CLCNKB: variants seen among roughly 807,000 people sequenced by gnomAD.
CLCNKB encodes chloride voltage-gated channel Kb, also known as chloride channel protein ClC-Kb.
In CLCNKB, 74 loss-of-function variants were observed where a neutral mutation model predicts 83.8. That is an observed-to-expected ratio of 0.88 (90% CI 0.73 to 1.07). CLCNKB has a LOEUF of 1.07. Ranked by LOEUF, CLCNKB falls within the 50% of genes least tolerant of loss-of-function variation. The pLI is 0.00. For missense variants in CLCNKB, 798 were observed against 893.6 expected (o/e 0.89, Z 1.36); for synonymous variants, 358 against 356.6 (o/e 1.00, Z -0.04).
chr1:16,046,958 C>T (rs1434586167), intron 4 of CLCNKB, among the ~76,000 whole-genome samples: 1 of 152,202 alleles, frequency 6.6e-6, no homozygotes, highest in East Asian at 1.9e-4. Flanking sequence ...ACAGCTCCCC[C>T]AGGCCGCTCA....
rs764275060 is a variant in CLCNKB, at chr1:16,045,655, C to A, written c.198C>A (p.Ala66=). 1 of 1,613,986 alleles carries A rather than the reference C, an allele frequency of 6.2e-7. No homozygotes were observed. The highest frequency in any genetic ancestry group is 2.2e-5 in the East Asian group (1 of 44,874). The part of the protein sequence containing the change: ...LGVLMALVSC[A]MDLAVESVVR... ...TGCTCATGGCCCTGGTCAGCTGTGC[C>A]ATGGACTTGGCTGTTGAGAGTGTGG... The change falls in exon 3 of 20, where the codon GCC becomes GCA. Residue 66 remains alanine (A), a synonymous_variant. Coordinates refer to ENST00000375679, the MANE Select transcript of CLCNKB (RefSeq NM_000085.5).
Position 16,056,942 on chromosome 1 carries a change from C to A in CLCNKB, c.*26C>A, listed in dbSNP as rs774027420. On this transcript the variant is annotated 3_prime_UTR_variant, in exon 20 of 20. Transcript: ENST00000375679. ...GCCGGCCCAGCAAGATGAAACAGGG[C>A]ACCCCAGCTGACCTGGTACTGAGGT... 1.9e-6 allele frequency: 3 copies of A among 1,610,766 alleles called. No homozygotes were observed. The highest frequency in any genetic ancestry group is 1.7e-4 in the Middle Eastern group (1 of 6,044).
intron 16 of CLCNKB, 119 bp from the exon 17 acceptor site, chr1:16,055,316 A>C: frequency 1.2e-6 from 1 of 821,916 alleles, no homozygotes. Flanking sequence ...ATGGGTGACA[A>C]TAGTCACAAT....
At chr1:16,044,377 A>G (rs1324277332) in intron 1 of CLCNKB, 109 bp from the exon 2 acceptor site, 18 of 830,164 alleles carry the variant, frequency 2.2e-5, no homozygotes, top group African/African-American at 1.9e-4. Context: ...ACACACACAC[A>G]CGCACAATCT....
rs199755248 is a variant in CLCNKB, at chr1:16,051,801, A to G, written c.1389A>G (p.Pro463=). 3 of 1,612,224 alleles carry G rather than the reference A, an allele frequency of 1.9e-6. No homozygotes were observed. Among genetic ancestry groups the G allele is most frequent in the Non-Finnish European group, 2.5e-6 (3 of 1,178,654 alleles). The change falls in exon 14 of 20, where the codon CCA becomes CCG. Residue 463 remains proline, a synonymous_variant. Transcript: ENST00000375679. The part of the protein sequence containing the change: ...VAGGITNPIM[P]GGYALAGAAA... ...GAGGGATCACCAATCCCATCATGCCAGGGGGGTATGCTCTGGCAGGTGAGT... is the reference window on the plus strand; with the variant it reads ...GAGGGATCACCAATCCCATCATGCCGGGGGGGTATGCTCTGGCAGGTGAGT...
chr1:16,048,380 AC>A lies in CLCNKB; in HGVS notation c.538del (p.Leu180TrpfsTer169). 2 of 1,613,712 alleles carry A rather than the reference AC, an allele frequency of 1.2e-6. No homozygotes were observed. The highest frequency in any genetic ancestry group is 1.7e-6 in the Non-Finnish European group (2 of 1,179,948). On this transcript the variant is annotated frameshift_variant, in exon 6 of 20. Transcript: ENST00000375679. LOFTEE classifies it high-confidence loss of function. Reference protein sequence around the residue: ...FVHLSVMMAAYLGRVRTTTIG... With the variant: ...FVHLSVMMAAXLGRVRTTTIG... ...CACCTGTCTGTGATGATGGCTGCCT[AC>A]CTGGGCCGTGTGCGCACCACGACCA...
chr1:16,047,008 AG>A (rs1276757622), intron 4 of CLCNKB, among the ~76,000 whole-genome samples: 1 of 152,168 alleles, frequency 6.6e-6, no homozygotes, highest in Non-Finnish European at 1.5e-5. Context: ...GGGAGCTCAA[AG>A]CTCACTCAGT....
At position 16,051,537 on chromosome 1, in the gene CLCNKB, C is replaced by A. The variant is rs1260423380; in HGVS notation, c.1287C>A (p.Ile429=). 1.2e-6 allele frequency: 2 copies of A among 1,614,074 alleles called. No individual in the cohort carries two copies. The highest frequency in any genetic ancestry group is 1.6e-4 in the Middle Eastern group (1 of 6,062). Residue 429 remains isoleucine, a synonymous_variant, in exon 13 of 20, where the codon ATC becomes ATA. Coordinates refer to ENST00000375679, the MANE Select transcript of CLCNKB (RefSeq NM_000085.5). ...IPMPAGYFMP[I]FVYGAAIGRL... The stretch of plus-strand genomic sequence containing the variant: ...TGCCTGCCGGGTACTTCATGCCCAT[C>A]TTTGTCTATGGTGAGTCTGGGGTCC...
Position 16,057,277 on chromosome 1 carries a change from G to A in CLCNKB, c.*361G>A, listed in dbSNP as rs1475085524. On this transcript the variant is annotated 3_prime_UTR_variant, in exon 20 of 20. Coordinates refer to ENST00000375679, the MANE Select transcript of CLCNKB (RefSeq NM_000085.5). ...TGGGGTTGTCTGGTTCCCAGTGAGA[G>A]GCTCCTGAGAAAAATAAAGCTGGTT... is the stretch of plus-strand genomic sequence containing the variant. 1.1e-5 allele frequency: 7 copies of A among 619,922 alleles called. No homozygotes were observed. The highest frequency in any genetic ancestry group is 1.9e-5 in the Non-Finnish European group (6 of 321,558). 38.4% of individuals were successfully genotyped at this position (619,922 alleles called of 1,614,324 possible).
At chr1:16,051,187 T>TC in intron 12 of CLCNKB, 139 bp downstream of exon 12, 1 of 1,353,858 alleles carries the variant, frequency 7.4e-7, no homozygotes, top group East Asian at 2.5e-5. Context: ...CATTGCATGG[T>TC]CCTGGACAAG....
chr1:16,053,010 G>GT (rs901661195), intron 15 of CLCNKB, among the ~76,000 whole-genome samples: 1 of 151,256 alleles, frequency 6.6e-6, no homozygotes, highest in African/African-American at 2.4e-5. Flanking sequence ...AGACTTTCAA[G>GT]TTTTTTTCCC....
At chr1:16,049,291 G>A (rs1230513551) in intron 8 of CLCNKB, 46 bp downstream of exon 8, 1 of 1,608,498 alleles carries the variant, frequency 6.2e-7, no homozygotes, top group African/African-American at 1.3e-5. Flanking sequence ...TGGGGGCCGG[G>A]GCGAGGGGGC....
At position 16,047,514 on chromosome 1, in the gene CLCNKB, A is replaced by G. The variant is rs2023136338; in HGVS notation, c.359-391A>G. Among the ~76,000 whole-genome samples, 3 of 151,932 alleles carry G rather than the reference A, an allele frequency of 2.0e-5. No individual in the cohort carries two copies. In the South Asian group the frequency reaches 6.2e-4, roughly 32 times the overall value. On this transcript the variant is annotated intron_variant, in intron 4 of 19. Coordinates refer to ENST00000375679, the MANE Select transcript of CLCNKB (RefSeq NM_000085.5). ...AACCCAGCTGGGCACACTGGCTCAT[A>G]CCTATAATCCCAGCACTTTGGGAGG...
In CLCNKB at chr1:16,052,359, G is replaced by A. The variant is rs114387880; in HGVS notation, c.1570G>A (p.Val524Ile). 5,873 of 1,610,794 alleles carry A rather than the reference G, an allele frequency of 3.6e-3. 63 individuals carry two copies. The highest frequency in any genetic ancestry group is 0.032 in the African/African-American group (2,399 of 74,856). Residue 524 changes from valine to isoleucine, a missense_variant, in exon 15 of 20, where the codon GTC (valine) becomes ATC (isoleucine). By Grantham distance (29) the Val-to-Ile change is conservative. Transcript: ENST00000375679. ...CCAGCCCTCCTTCTATGATGGCACC[G>A]TCATTGTCAAGAAGCTGCCATACCT... ...SCQPSFYDGTVIVKKLPYLPR... is the reference protein window; with the variant it reads ...SCQPSFYDGTIIVKKLPYLPR...
Position 16,051,775 on chromosome 1 carries a change from G to A in CLCNKB, c.1363G>A (p.Gly455Arg). The change falls in exon 14 of 20, where the codon GGA becomes AGA. Residue 455 changes from glycine (G) to arginine (R), a missense_variant. Gly to Arg is a moderately radical substitution (Grantham distance 125, BLOSUM62 -2). Transcript: ENST00000375679. ...SFIFPEGIVA[G>R]GITNPIMPGG... ...TATCTTCCCTGAGGGCATCGTGGCT[G>A]GAGGGATCACCAATCCCATCATGCC... The A allele has an allele frequency of 1.9e-6, 3 of 1,613,932 alleles. No homozygotes were observed. The highest frequency in any genetic ancestry group is 2.5e-6 in the Non-Finnish European group (3 of 1,179,972).
intron 15 of CLCNKB, among the ~76,000 whole-genome samples, chr1:16,053,414 G>A (rs1383799534): frequency 2.0e-5 from 3 of 152,120 alleles, no homozygotes; most frequent in Non-Finnish European, 4.4e-5. Context: ...GGGACACGGG[G>A]GTCCAGGGGG....
chr1:16,045,582 A>G lies in CLCNKB; in HGVS notation c.125A>G (p.Lys42Arg). Residue 42 changes from lysine to arginine, a missense_variant, in exon 3 of 20, where the codon AAG becomes AGG. Transcript: ENST00000375679. ...IRGGLEWLKQ[K>R]LFRLGEDWYF... ...GGTGGCCTGGAGTGGCTGAAGCAGA[A>G]GCTCTTCCGCCTGGGCGAGGACTGG... 1 of 1,613,790 alleles carries G rather than the reference A, an allele frequency of 6.2e-7. No individual in the cohort carries two copies. The highest frequency in any genetic ancestry group is 8.5e-7 in the Non-Finnish European group (1 of 1,179,776).
At chr1:16,048,066 TCCCAACCACCCTACCCAC>T (rs780759138) in intron 5 of CLCNKB, 22 bp downstream of exon 5, 2 of 1,608,544 alleles carry the variant, frequency 1.2e-6, no homozygotes, top group Non-Finnish European at 8.5e-7. Flanking sequence ...GGTGAGGGCA[TCCCAACCACCCTACCCAC>T]CCCAGCCACC....
chr1:16,052,191 C>G lies in CLCNKB; in HGVS notation c.1409-7C>G. The G allele has an allele frequency of 6.2e-7, 1 of 1,612,842 alleles. No individual in the cohort carries two copies. Among genetic ancestry groups the G allele is most frequent in the Non-Finnish European group, 8.5e-7 (1 of 1,179,918 alleles). On this transcript the variant is annotated splice_region_variant and splice_polypyrimidine_tract_variant and intron_variant, in intron 14 of 19. Transcript: ENST00000375679. The stretch of plus-strand genomic sequence containing the variant: ...CTGAGCTGCCCTGCCTGACTCTGCC[C>G]TTGCAGGGGCTGCAGCCTTCTCAGG...
Sources: allele counts gnomAD v4.1 joint callset (sites outside exome capture counted in the v4.1 genomes callset), GRCh38; gene constraint gnomAD v4.1.1; transcripts MANE v1.5; gene names NCBI Gene and HGNC (gene_info 2026-07-23, HGNC 2026-07-21).